The following ANKRD6 variants were observed in gnomAD, a reference collection of about 807,000 sequenced individuals.
ANKRD6 encodes ankyrin repeat domain-containing protein 6.
ANKRD6 carries 56 observed loss-of-function variants against 82.3 expected under a neutral mutation model. The observed-to-expected ratio is 0.68, with a 90% CI of 0.55 to 0.85. The LOEUF is 0.85. Among genes scored for constraint, ANKRD6 ranks in the 40% least tolerant of loss-of-function variants. The probability of loss-of-function intolerance (pLI) is 0.00; values close to 1 mark genes in which losing one functional copy is unlikely to be tolerated. For synonymous variants in ANKRD6, 347 were observed against 352.1 expected (o/e 0.99, Z 0.16); for missense variants, 852 against 907.6 (o/e 0.94, Z 0.79).
intron 1 of ANKRD6, among the ~76,000 whole-genome samples, chr6:89,480,408 G>A (rs1776646691): frequency 6.6e-6 from 1 of 152,176 alleles, no homozygotes; most frequent in East Asian, 1.9e-4. Context: ...CTCTGTCCCA[G>A]TGAGGGGAGG....
intron 1 of ANKRD6, among the ~76,000 whole-genome samples, chr6:89,458,577 G>T (rs1004534165): frequency 6.6e-6 from 1 of 152,176 alleles, no homozygotes; most frequent in Non-Finnish European, 1.5e-5. Flanking sequence ...GATGTTTGAG[G>T]GCAGGAAGCA....
chr6:89,462,302 G>T (rs372522774), intron 1 of ANKRD6, among the ~76,000 whole-genome samples: 1 of 150,860 alleles, frequency 6.6e-6, no homozygotes, highest in Non-Finnish European at 1.5e-5. Context: ...GAAGTTTACA[G>T]TGTTTATCTT....
chr6:89,609,142 T>G (rs930636168), intron 5 of ANKRD6, among the ~76,000 whole-genome samples: 10 of 152,212 alleles, frequency 6.6e-5, no homozygotes, highest in Admixed American at 5.9e-4. Context: ...GTTCATATTT[T>G]TCATGGTTCC....
intron 1 of ANKRD6, among the ~76,000 whole-genome samples, chr6:89,517,090 G>A (rs1210015714): frequency 1.3e-5 from 2 of 152,058 alleles, no homozygotes; most frequent in African/African-American, 2.4e-5. Context: ...TGCTGGTCTC[G>A]AATTCCTGGG....
At chr6:89,611,120 T>A (rs1043133198) in intron 5 of ANKRD6, among the ~76,000 whole-genome samples, 23 of 151,214 alleles carry the variant, frequency 1.5e-4, no homozygotes, top group Admixed American at 6.6e-5. Context: ...TGGTTGGAGC[T>A]AAGGTGAAGA....
intron 1 of ANKRD6, among the ~76,000 whole-genome samples, chr6:89,495,024 G>T (rs1778433022): frequency 6.6e-6 from 1 of 152,158 alleles, no homozygotes; most frequent in Non-Finnish European, 1.5e-5. Context: ...CACAAGGTCA[G>T]GAGATCGAGA....
intron 8 of ANKRD6, 91 bp downstream of exon 8, chr6:89,616,748 A>G: frequency 7.8e-7 from 1 of 1,274,546 alleles, no homozygotes; most frequent in Admixed American, 1.7e-5. Context: ...CCCCAGGCCC[A>G]GCGCACTCTG....
At chr6:89,511,490 T>C (rs1247591992) in intron 1 of ANKRD6, among the ~76,000 whole-genome samples, 7 of 152,252 alleles carry the variant, frequency 4.6e-5, no homozygotes, top group Admixed American at 4.6e-4. Flanking sequence ...GCATAGTCTG[T>C]GGGGTCAGGC....
At chr6:89,540,344 A>G (rs904383247) in intron 1 of ANKRD6, among the ~76,000 whole-genome samples, 1 of 152,074 alleles carries the variant, frequency 6.6e-6, no homozygotes, top group African/African-American at 2.4e-5. Context: ...GGGTGAGATG[A>G]TATCTCGTAG....
chr6:89,504,768 T>C (rs1420962304), intron 1 of ANKRD6, among the ~76,000 whole-genome samples: 2 of 152,168 alleles, frequency 1.3e-5, no homozygotes, highest in Non-Finnish European at 2.9e-5. Flanking sequence ...GCAGCAGTAG[T>C]GTGGGGAATA....
intron 1 of ANKRD6, among the ~76,000 whole-genome samples, chr6:89,533,951 C>T (rs1030362510): frequency 1.3e-5 from 2 of 152,140 alleles, no homozygotes; most frequent in African/African-American, 4.8e-5. Flanking sequence ...CAGTATATAC[C>T]TGTATGTTTT....
chr6:89,444,225 A>G (rs751283288), intron 1 of ANKRD6, among the ~76,000 whole-genome samples: 4 of 152,236 alleles, frequency 2.6e-5, no homozygotes, highest in African/African-American at 4.8e-5. Flanking sequence ...CAGAATATCT[A>G]TTGAACGGCT....
intron 10 of ANKRD6, among the ~76,000 whole-genome samples, chr6:89,622,609 T>C (rs567588128): frequency 1.4e-4 from 21 of 152,276 alleles, no homozygotes; most frequent in African/African-American, 4.8e-4. Context: ...TAGAAAAAGA[T>C]GTCCCCTGGG....
At chr6:89,448,891 G>T (rs553165212) in intron 1 of ANKRD6, among the ~76,000 whole-genome samples, 1 of 151,556 alleles carries the variant, frequency 6.6e-6, no homozygotes, top group Non-Finnish European at 1.5e-5. Context: ...TTAGCCGGGC[G>T]TGTTGGCGGG....
intron 2 of ANKRD6, among the ~76,000 whole-genome samples, chr6:89,587,656 C>A (rs1365237248): frequency 6.6e-6 from 1 of 152,156 alleles, no homozygotes; most frequent in African/African-American, 2.4e-5. Flanking sequence ...CTGTTGGCCC[C>A]CAGTGCAGGA....
At position 89,438,473 on chromosome 6, in the gene ANKRD6, A is replaced by G. The variant is rs150223209; in HGVS notation, c.-144+5098A>G. Among the ~76,000 whole-genome samples the G allele has an allele frequency of 1.1e-4, 17 of 152,310 alleles. No homozygotes were observed. In the East Asian group the frequency reaches 3.3e-3, roughly 29 times the overall value. ...GAACCAGTCACATGGCCTCAACTAG[A>G]TTCAAGGAAGCTAGGAAATACAGTC... is the stretch of plus-strand genomic sequence containing the variant. On this transcript the variant is annotated intron_variant, in intron 1 of 15. Transcript: ENST00000339746.
chr6:89,463,485 T>C (rs1264461850), intron 1 of ANKRD6, among the ~76,000 whole-genome samples: 1 of 152,230 alleles, frequency 6.6e-6, no homozygotes, highest in East Asian at 1.9e-4. Context: ...GAACATTTTT[T>C]AAGGTTCATA....
At chr6:89,448,853 AC>A (rs1292346748) in intron 1 of ANKRD6, among the ~76,000 whole-genome samples, 2 of 151,808 alleles carry the variant, frequency 1.3e-5, no homozygotes, top group Non-Finnish European at 2.9e-5. Context: ...ACACGGTGAA[AC>A]CCCGTTTCTA....
At chr6:89,464,985 AG>A (rs941697932) in intron 1 of ANKRD6, among the ~76,000 whole-genome samples, 1 of 152,232 alleles carries the variant, frequency 6.6e-6, no homozygotes, top group African/African-American at 2.4e-5. Context: ...ACCTGAAAGG[AG>A]GGAACTATCA....
Sources: gnomAD v4.1 joint callset for allele counts (sites outside exome capture counted in the v4.1 genomes callset) on GRCh38, gnomAD v4.1.1 for gene constraint, MANE v1.5 for transcripts, NCBI Gene and HGNC (gene_info 2026-07-23, HGNC 2026-07-21) for gene names.